Variants in NFAT5 observed in about 807,000 individuals in gnomAD.
The protein encoded by NFAT5 is nuclear factor of activated T-cells 5.
NFAT5 carries 31 observed loss-of-function variants against 166.5 expected under a neutral mutation model. That is an observed-to-expected ratio of 0.19 (90% CI 0.14 to 0.25). NFAT5 has a LOEUF of 0.25. Ranked by LOEUF, NFAT5 falls within the 10% of genes least tolerant of loss-of-function variation. The pLI is 1.00. For missense variants in NFAT5, 1,449 were observed against 1,821.8 expected (o/e 0.80, Z 3.72); for synonymous variants, 612 against 639.7 (o/e 0.96, Z 0.65).
intron 5 of NFAT5, among the ~76,000 whole-genome samples, chr16:69,654,326 A>G (rs1176782186): frequency 1.3e-5 from 2 of 152,194 alleles, no homozygotes; most frequent in Non-Finnish European, 2.9e-5. Context: ...ACTGCCTTTC[A>G]TTTTATACTT....
rs751329784 is a variant in NFAT5, at chr16:69,694,090, A to G, written c.4265A>G (p.Asn1422Ser). ...QQSPLYSPQN[N>S]MPGIQGATSS... ...TCTCCTCTTTATTCCCCTCAGAACA[A>G]CATGCCTGGAATTCAAGGAGCCACA... is the stretch of plus-strand genomic sequence containing the variant. Residue 1422 changes from asparagine (N) to serine (S), a missense_variant, in exon 13 of 15, where the codon AAC becomes AGC. This residue lies in a region of NFAT5 where 891 missense variants were observed against 993.0 expected (regional missense o/e 0.90). Coordinates refer to ENST00000349945, the MANE Select transcript of NFAT5 (RefSeq NM_138713.4). 6.2e-7 allele frequency: 1 copy of G among 1,614,156 alleles called. No individual in the cohort carries two copies. Among genetic ancestry groups the G allele is most frequent in the South Asian group, 1.1e-5 (1 of 91,078 alleles).
chr16:69,625,496 A>G (rs565358290), intron 2 of NFAT5, among the ~76,000 whole-genome samples: 230 of 151,820 alleles, frequency 1.5e-3, no homozygotes, highest in African/African-American at 5.3e-3. Flanking sequence ...GAGATGCCTC[A>G]GAGAGTAAGA....
At chr16:69,653,664 C>T (rs2035766285) in intron 5 of NFAT5, among the ~76,000 whole-genome samples, 1 of 151,184 alleles carries the variant, frequency 6.6e-6, no homozygotes, top group South Asian at 2.1e-4. Flanking sequence ...CAGCCTCTGC[C>T]TCCGGGGTGC....
rs778283576 is a variant in NFAT5 at position 69,647,245 on chromosome 16, C to A, written c.471C>A (p.His157Gln). 1.9e-6 allele frequency: 3 copies of A among 1,614,160 alleles called. No individual in the cohort carries two copies. Among genetic ancestry groups the A allele is most frequent in the Non-Finnish European group, 2.5e-6 (3 of 1,180,010 alleles). ...AGCATCCATCAACACCGAAGAGGCA[C>A]ACAGTCTTGTACATCTCACCACCAC... ...VQQHPSTPKR[H>Q]TVLYISPPPE... The change falls in exon 4 of 15, where the codon CAC becomes CAA. Residue 157 changes from histidine (H) to glutamine (Q), a missense_variant. Coordinates refer to ENST00000349945, the MANE Select transcript of NFAT5 (RefSeq NM_138713.4). The surrounding 1 kb of genome is among the most constrained non-coding windows in gnomAD (Gnocchi z 4.8).
chr16:69,634,405 A>G (rs769457681), intron 3 of NFAT5, among the ~76,000 whole-genome samples: 27 of 152,196 alleles, frequency 1.8e-4, no homozygotes, highest in Non-Finnish European at 2.4e-4. Context: ...GACTATATGA[A>G]TAAAAGTGTC....
At chr16:69,587,922 C>G (rs1039003181) in intron 2 of NFAT5, among the ~76,000 whole-genome samples, 1 of 124,188 alleles carries the variant, frequency 8.1e-6, no homozygotes, top group Non-Finnish European at 1.7e-5. Context: ...AAATTAGGCA[C>G]TTTGGTAATT....
At chr16:69,599,020 CAA>C (rs1216510761) in intron 2 of NFAT5, among the ~76,000 whole-genome samples, 5 of 52,624 alleles carry the variant, frequency 9.5e-5, no homozygotes, top group Admixed American at 4.0e-4. Flanking sequence ...GACTCTGTCT[CAA>C]AAAAAAAAAA....
intron 3 of NFAT5, chr16:69,646,692 G>C (rs1256412059): frequency 7.5e-6 from 2 of 265,798 alleles, no homozygotes; most frequent in African/African-American, 4.6e-5. Flanking sequence ...TTCATATTGG[G>C]GTTTTCTTTA....
At chr16:69,624,323 G>A (rs568908265) in intron 2 of NFAT5, among the ~76,000 whole-genome samples, 4 of 151,472 alleles carry the variant, frequency 2.6e-5, no homozygotes, top group Admixed American at 6.6e-5. Context: ...CTCCTGCCTC[G>A]GCCTCCCGAG....
In NFAT5 at chr16:69,693,333, A is replaced by T. The variant is rs1411795122; in HGVS notation, c.3508A>T (p.Thr1170Ser). 1 of 1,614,200 alleles carries T rather than the reference A, an allele frequency of 6.2e-7. No individual in the cohort carries two copies. Among genetic ancestry groups the T allele is most frequent in the Non-Finnish European group, 8.5e-7 (1 of 1,180,026 alleles). ...CCAGAGTCCCATGAATAATCTTCAGACTAACACAGTAGCCCAAGAAGCATT... is the reference window on the plus strand; with the variant it reads ...CCAGAGTCCCATGAATAATCTTCAGTCTAACACAGTAGCCCAAGAAGCATT... ...LSQSPMNNLQ[T>S]NTVAQEAFFA... Residue 1170 changes from threonine (T) to serine (S), a missense_variant, in exon 13 of 15, where the codon ACT becomes TCT. Coordinates refer to ENST00000349945, the MANE Select transcript of NFAT5 (RefSeq NM_138713.4).
At position 69,626,373 on chromosome 16, in the gene NFAT5, T is replaced by C. The variant is rs199860267; in HGVS notation, c.128-30T>C. Reference sequence around the variant, plus strand: ...TGTTGACTGAATCTCTTTTAAAAATTGTTTTCTCCTCTCTTTCCCCTCCCC... The same window carrying C: ...TGTTGACTGAATCTCTTTTAAAAATCGTTTTCTCCTCTCTTTCCCCTCCCC... On this transcript the variant is annotated intron_variant, in intron 2 of 14. Coordinates refer to ENST00000349945, the MANE Select transcript of NFAT5 (RefSeq NM_138713.4). 1.6e-3 allele frequency: 2,540 copies of C among 1,550,718 alleles called. 4 individuals carry two copies. Among genetic ancestry groups the C allele is most frequent in the Non-Finnish European group, 2.0e-3 (2,332 of 1,155,572 alleles).
chr16:69,620,536 C>G (rs1414732850), intron 2 of NFAT5, among the ~76,000 whole-genome samples: 1 of 152,162 alleles, frequency 6.6e-6, no homozygotes, highest in Non-Finnish European at 1.5e-5. Flanking sequence ...GAGTTCAGGA[C>G]CAGCCTGGCC....
chr16:69,661,561 A>AAAG lies in NFAT5; in HGVS notation c.1369+1664_1369+1665insGAA, dbSNP rs1167130597. On this transcript the variant is annotated intron_variant, in intron 7 of 14. Transcript: ENST00000349945. ...TCTTAAAAAAAAAAAAAAAAAAAAAAAAAAAAGGAAATTGTTCAGATGAGT... is the reference window on the plus strand; with the variant it reads ...TCTTAAAAAAAAAAAAAAAAAAAAAAAAGAAAAAAGGAAATTGTTCAGATGAGT... Among the ~76,000 whole-genome samples the AAAG allele has an allele frequency of 1.3e-3, 195 of 149,386 alleles. 3 individuals are homozygous for AAAG. Among genetic ancestry groups the AAAG allele is most frequent in the African/African-American group, 4.6e-3 (186 of 40,746 alleles).
At chr16:69,655,314 G>C (rs367768614) in intron 5 of NFAT5, among the ~76,000 whole-genome samples, 27 of 152,188 alleles carry the variant, frequency 1.8e-4, no homozygotes, top group African/African-American at 6.3e-4. Flanking sequence ...GCTGCCTGAA[G>C]TACTGTGCAT....
At chr16:69,619,513 C>T (rs2034108286) in intron 2 of NFAT5, among the ~76,000 whole-genome samples, 3 of 152,110 alleles carry the variant, frequency 2.0e-5, no homozygotes, top group Admixed American at 6.5e-5. Context: ...ACAGATATCA[C>T]ATTCTTTATT....
Position 69,692,231 on chromosome 16 carries a change from A to T in NFAT5, c.2406A>T (p.Thr802=), listed in dbSNP as rs1375713366. The change falls in exon 13 of 15, where the codon ACA becomes ACT. Residue 802 remains threonine (T), a synonymous_variant. Coordinates refer to ENST00000349945, the MANE Select transcript of NFAT5 (RefSeq NM_138713.4). ...TIQQLQAGSF[T]GSTASGSSGS... Reference sequence around the variant, plus strand: ...AGCAGCTGCAAGCAGGGAGTTTCACAGGCAGTACTGCTAGTGGCAGCAGTG... The same window carrying T: ...AGCAGCTGCAAGCAGGGAGTTTCACTGGCAGTACTGCTAGTGGCAGCAGTG... 1.9e-6 allele frequency: 3 copies of T among 1,614,090 alleles called. No individual in the cohort carries two copies. The highest frequency in any genetic ancestry group is 1.7e-6 in the Non-Finnish European group (2 of 1,180,050).
chr16:69,585,701 A>G (rs997683069), intron 2 of NFAT5, among the ~76,000 whole-genome samples: 1 of 152,248 alleles, frequency 6.6e-6, no homozygotes, highest in Non-Finnish European at 1.5e-5. Flanking sequence ...CCTTGAAAAC[A>G]TACGCAAAGT....
intron 2 of NFAT5, among the ~76,000 whole-genome samples, chr16:69,605,821 C>T (rs1263846875): frequency 2.0e-5 from 3 of 152,154 alleles, no homozygotes; most frequent in Admixed American, 6.5e-5. Context: ...TCACGCCATT[C>T]TCCTGCCTCA....
intron 3 of NFAT5, among the ~76,000 whole-genome samples, chr16:69,642,430 A>G (rs1021773306): frequency 6.6e-6 from 1 of 152,226 alleles, no homozygotes; most frequent in African/African-American, 2.4e-5. Flanking sequence ...ATAATCTGAC[A>G]TTATAAATTT....
Sources: allele counts gnomAD v4.1 joint callset (sites outside exome capture counted in the v4.1 genomes callset), GRCh38; gene constraint gnomAD v4.1.1; regional missense constraint gnomAD v4.1.1; non-coding constraint Gnocchi (gnomAD v3.1); transcripts MANE v1.5; gene names NCBI Gene and HGNC (gene_info 2026-07-23, HGNC 2026-07-21).